MCC: variants seen among roughly 807,000 people sequenced by gnomAD.
The protein encoded by MCC is colorectal mutant cancer protein.
Under a neutral mutation model 116.2 loss-of-function variants are expected in MCC, and 90 were observed. The observed-to-expected ratio is 0.77, with a 90% CI of 0.65 to 0.92. The LOEUF (loss-of-function observed/expected upper bound fraction) is 0.92, where lower values mean the gene tolerates loss of function less well. Among genes scored for constraint, MCC ranks in the 40% least tolerant of loss-of-function variants. The pLI is 0.00. For missense variants in MCC, 1,516 were observed against 1,312.2 expected (o/e 1.16, Z -2.40); for synonymous variants, 578 against 510.5 (o/e 1.13, Z -1.78).
Position 113,151,303 on chromosome 5 carries a change from C to A in MCC, c.741+6G>T. 1 of 1,582,348 alleles carries A rather than the reference C, an allele frequency of 6.3e-7. No homozygotes were observed. Among genetic ancestry groups the A allele is most frequent in the Non-Finnish European group, 8.7e-7 (1 of 1,153,670 alleles). ...AGCAAACTAAAAACCTTTCCAGATC[C>A]CTTACCTGTGCCTTGGCCAATTTCT... On this transcript the variant is annotated splice_donor_region_variant and intron_variant, in intron 4 of 18. Transcript: ENST00000408903.
At chr5:113,079,204 T>A (rs1479756260) in intron 11 of MCC, among the ~76,000 whole-genome samples, 1 of 152,138 alleles carries the variant, frequency 6.6e-6, no homozygotes, top group Non-Finnish European at 1.5e-5. Flanking sequence ...ATAGGAAGAA[T>A]CAATATTGTG....
chr5:113,237,593 C>T (rs1207820302), intron 3 of MCC, among the ~76,000 whole-genome samples: 1 of 152,160 alleles, frequency 6.6e-6, no homozygotes, highest in Non-Finnish European at 1.5e-5. Context: ...GTCACCAAGG[C>T]ACTGGGAGGA....
At chr5:113,388,500 C>T (rs35886114) in intron 1 of MCC, among the ~76,000 whole-genome samples, 26,151 of 152,008 alleles carry the variant, frequency 0.17, 2,464 homozygotes, top group Non-Finnish European at 0.22. Context: ...GGTTGAGCAC[C>T]ATCCCCTTGG....
intron 1 of MCC, among the ~76,000 whole-genome samples, chr5:113,429,975 C>G (rs765819018): frequency 1.3e-5 from 2 of 152,174 alleles, no homozygotes; most frequent in South Asian, 4.1e-4. Context: ...GCAATCACAA[C>G]AGTCACTGTG....
chr5:113,282,154 T>G lies in MCC; in HGVS notation c.627+58365A>C, dbSNP rs534048291. On this transcript the variant is annotated intron_variant, in intron 3 of 18. Coordinates refer to ENST00000408903, the MANE Select transcript of MCC (RefSeq NM_001085377.2). ...AGAGTCTATAACTTTAGAAAAAAAATAGTTTTACAGACAAAGAAACTGAAG... is the reference window on the plus strand; with the variant it reads ...AGAGTCTATAACTTTAGAAAAAAAAGAGTTTTACAGACAAAGAAACTGAAG... 2.0e-5 allele frequency among the ~76,000 whole-genome samples: 3 copies of G among 152,178 alleles called. No individual in the cohort carries two copies. In the East Asian group the frequency reaches 5.8e-4, roughly 29 times the overall value.
intron 3 of MCC, among the ~76,000 whole-genome samples, chr5:113,300,124 A>G (rs1766826187): frequency 6.6e-6 from 1 of 152,186 alleles, no homozygotes; most frequent in Non-Finnish European, 1.5e-5. Context: ...ACATGGCAGA[A>G]ACTCTATTCT....
chr5:113,258,511 A>G (rs1164059252), intron 3 of MCC, among the ~76,000 whole-genome samples: 1 of 152,242 alleles, frequency 6.6e-6, no homozygotes, highest in Admixed American at 6.5e-5. Context: ...GGGGAACCCT[A>G]TTGTAAACTG....
chr5:113,279,031 A>C (rs891719333), intron 3 of MCC, among the ~76,000 whole-genome samples: 4 of 152,236 alleles, frequency 2.6e-5, no homozygotes, highest in African/African-American at 4.8e-5. Context: ...CAAGAATATA[A>C]AGGGAAAAGC....
intron 3 of MCC, among the ~76,000 whole-genome samples, chr5:113,200,335 G>A (rs1762622462): frequency 6.6e-6 from 1 of 152,216 alleles, no homozygotes; most frequent in African/African-American, 2.4e-5. Context: ...GGTACAGTTT[G>A]TTCAATGAAA....
At chr5:113,333,862 T>TATATATGTATATATGC (rs1554076911) in intron 3 of MCC, among the ~76,000 whole-genome samples, 1 of 94,268 alleles carries the variant, frequency 1.1e-5, no homozygotes, top group Non-Finnish European at 2.4e-5. Context: ...TACATATATG[T>TATATATGTATATATGC]ATATATGTAT....
chr5:113,211,301 G>C (rs964733892), intron 3 of MCC, among the ~76,000 whole-genome samples: 92 of 152,306 alleles, frequency 6.0e-4, no homozygotes, highest in African/African-American at 1.9e-3. Context: ...CTCTCGCCTT[G>C]ATCTTGGACT....
chr5:113,168,275 T>C (rs965919862), intron 3 of MCC, among the ~76,000 whole-genome samples: 1 of 152,192 alleles, frequency 6.6e-6, no homozygotes, highest in African/African-American at 2.4e-5. Flanking sequence ...ATAACTTACA[T>C]ATGGAATATT....
chr5:113,040,028 A>G (rs1369498982), intron 17 of MCC, among the ~76,000 whole-genome samples: 1 of 150,560 alleles, frequency 6.6e-6, no homozygotes, highest in African/African-American at 2.4e-5. Flanking sequence ...AAAACAAAAT[A>G]CCCTGTTAAG....
chr5:113,405,805 C>CA lies in MCC; in HGVS notation c.171-20594dup, dbSNP rs980145078. Among the ~76,000 whole-genome samples the CA allele has an allele frequency of 2.9e-3, 408 of 140,906 alleles. 1 individual carries two copies. The highest frequency in any genetic ancestry group is 5.5e-3 in the East Asian group (27 of 4,924). 92.4% of individuals were successfully genotyped at this position (140,906 alleles called of 152,430 possible). On this transcript the variant is annotated intron_variant, in intron 1 of 18. Coordinates refer to ENST00000408903, the MANE Select transcript of MCC (RefSeq NM_001085377.2). ...CTAGGTGATGAGCGAGACCCTATCT[C>CA]AAAAAAAAAAGAAAAAAGAAAAAAA...
intron 3 of MCC, among the ~76,000 whole-genome samples, chr5:113,187,038 G>A (rs1222202853): frequency 6.6e-6 from 1 of 152,184 alleles, no homozygotes; most frequent in African/African-American, 2.4e-5. Context: ...TTCAGGAAGT[G>A]CTGGCCTATA....
At chr5:113,204,311 T>G (rs1435298925) in intron 3 of MCC, among the ~76,000 whole-genome samples, 1 of 152,190 alleles carries the variant, frequency 6.6e-6, no homozygotes, top group African/African-American at 2.4e-5. Context: ...CACACAAAGC[T>G]CTCTTCCTCA....
At chr5:113,328,556 T>A (rs1767623107) in intron 3 of MCC, among the ~76,000 whole-genome samples, 1 of 152,216 alleles carries the variant, frequency 6.6e-6, no homozygotes, top group South Asian at 2.1e-4. Context: ...GGATGAAGTC[T>A]CTGGGTTTCA....
chr5:113,110,531 T>C (rs1757026855), intron 6 of MCC, among the ~76,000 whole-genome samples: 1 of 152,252 alleles, frequency 6.6e-6, no homozygotes, highest in Non-Finnish European at 1.5e-5. Context: ...TTCACACATA[T>C]GTGGATTTCA....
intron 3 of MCC, among the ~76,000 whole-genome samples, chr5:113,200,308 A>G (rs1327979989): frequency 6.6e-6 from 1 of 152,222 alleles, no homozygotes; most frequent in Non-Finnish European, 1.5e-5. Flanking sequence ...GATCTCATGC[A>G]AATATAGCAA....
Sources: gnomAD v4.1 joint callset for allele counts (sites outside exome capture counted in the v4.1 genomes callset) on GRCh38, gnomAD v4.1.1 for gene constraint, MANE v1.5 for transcripts, NCBI Gene and HGNC (gene_info 2026-07-23, HGNC 2026-07-21) for gene names.